DNPEP: variants seen among roughly 807,000 people sequenced by gnomAD.
DNPEP encodes the protein aspartyl aminopeptidase.
A neutral mutation model predicts 59.1 loss-of-function variants in DNPEP; 46 were observed. That is an observed-to-expected ratio of 0.78 (90% confidence interval 0.61 to 0.99). The LOEUF (loss-of-function observed/expected upper bound fraction) is 0.99, where lower values mean the gene tolerates loss of function less well. Ranked by LOEUF, DNPEP falls within the 50% of genes least tolerant of loss-of-function variation. The pLI is 0.00. For missense variants in DNPEP, 617 were observed against 649.9 expected, an observed-to-expected ratio of 0.95 and a Z score of 0.55; for synonymous variants, 229 against 242.2, an observed-to-expected ratio of 0.95 and a Z score of 0.50.
chr2:219,381,206 TTC>T (rs933927844), intron 13 of DNPEP, 127 bp downstream of exon 13: 2 of 792,210 alleles, frequency 2.5e-6, no homozygotes, highest in African/African-American at 3.4e-5. Context: ...ATCCCTGCTT[TTC>T]TCACTCTACT....
At chr2:219,387,216 C>A (rs1364196605) in intron 1 of DNPEP, 53 bp from the exon 2 acceptor site, 3 of 1,538,056 alleles carry the variant, frequency 2.0e-6, no homozygotes, top group African/African-American at 2.8e-5. Context: ...CCTGACCTTT[C>A]ACCCAGGTTC....
intron 1 of DNPEP, among the ~76,000 whole-genome samples, chr2:219,394,167 C>G (rs983754777): frequency 3.9e-5 from 6 of 152,308 alleles, no homozygotes; most frequent in Non-Finnish European, 7.3e-5. Context: ...CTCCCATTCT[C>G]TTGTAAATCC....
chr2:219,374,307 A>C lies in DNPEP; in HGVS notation c.1443T>G (p.Asn481Lys). ...FFELFPSLSH[N>K]LLVD ...CCAAGAGGGCTCAATCCACTAAGAG[A>C]TTATGGCTTAGAGAAGGGAACAGCT... Residue 481 changes from asparagine to lysine, a missense_variant, in exon 15 of 15, where the codon AAT (asparagine) becomes AAG (lysine). By Grantham distance (94) the Asn-to-Lys change is moderately conservative. Coordinates refer to ENST00000273075, the MANE Select transcript of DNPEP (RefSeq NM_012100.4). 6.2e-7 allele frequency: 1 copy of C among 1,614,108 alleles called. No individual in the cohort carries two copies. Among genetic ancestry groups the C allele is most frequent in the East Asian group, 2.2e-5 (1 of 44,874 alleles).
At chr2:219,394,842 C>A (rs568408214) in intron 1 of DNPEP, among the ~76,000 whole-genome samples, 1 of 152,158 alleles carries the variant, frequency 6.6e-6, no homozygotes, top group African/African-American at 2.4e-5. Flanking sequence ...TTCCCCAAAC[C>A]TATTCCATCC....
At chr2:219,376,076 C>A (rs890583320) in intron 13 of DNPEP, among the ~76,000 whole-genome samples, 5 of 152,090 alleles carry the variant, frequency 3.3e-5, no homozygotes, top group African/African-American at 1.2e-4. Context: ...AGTCAAAGGG[C>A]ACAGGAGTTA....
Position 219,386,420 on chromosome 2 carries a change from A to G in DNPEP, c.334-9T>C. On this transcript the variant is annotated splice_polypyrimidine_tract_variant and intron_variant, in intron 4 of 14. Transcript: ENST00000273075. ...CGAGACCGACGTTTCACCTGAGTGT[A>G]AAGATGGAGAAGTCAGAGAAGGCTT... 1 of 1,614,214 alleles carries G rather than the reference A, an allele frequency of 6.2e-7. No individual in the cohort carries two copies. Among genetic ancestry groups the G allele is most frequent in the Non-Finnish European group, 8.5e-7 (1 of 1,180,034 alleles).
rs201486555 is a variant in DNPEP, at chr2:219,381,369, C to T, written c.1205G>A (p.Arg402Gln). The T allele has an allele frequency of 1.1e-5, 18 of 1,614,168 alleles. No individual in the cohort carries two copies. The highest frequency in any genetic ancestry group is 6.7e-5 in the East Asian group (3 of 44,888). Residue 402 changes from arginine (R) to glutamine (Q), a missense_variant, in exon 13 of 15, where the codon CGA (arginine) becomes CAA (glutamine). Physicochemically the swap from Arg to Gln is conservative, Grantham distance 43. Transcript: ENST00000273075. ...ASNAVSEALI[R>Q]EVANKVKVPL... is the part of the protein sequence containing the mutation. ...GACCTTGACTTTGTTGGCCACCTCTCGGATCAGGGCCTCTGACACCGCGTT... is the reference window on the plus strand; with the variant it reads ...GACCTTGACTTTGTTGGCCACCTCTTGGATCAGGGCCTCTGACACCGCGTT...
At chr2:219,391,793 A>T (rs1954019664), upstream of DNPEP, among the ~76,000 whole-genome samples, 1 of 151,916 alleles carries the variant, frequency 6.6e-6, no homozygotes. Context: ...TTATAGAATC[A>T]GCATCTGCAT....
upstream of DNPEP, among the ~76,000 whole-genome samples, chr2:219,392,345 C>CT (rs1321818734): frequency 0.067 from 9,490 of 142,600 alleles, 840 homozygotes; most frequent in African/African-American, 0.2. Context: ...ATACATATGT[C>CT]TTTTTTTTTT....
At chr2:219,378,901 T>C (rs1257786479) in intron 13 of DNPEP, among the ~76,000 whole-genome samples, 1 of 152,218 alleles carries the variant, frequency 6.6e-6, no homozygotes, top group African/African-American at 2.4e-5. Context: ...ATGTGTTTAC[T>C]ATATTATGCT....
rs142675089 is a variant in DNPEP at position 219,381,612 on chromosome 2, T to C, written c.1098-28A>G. The C allele has an allele frequency of 8.6e-3, 13,802 of 1,613,236 alleles. 85 individuals are homozygous for C. Among genetic ancestry groups the C allele is most frequent in the South Asian group, 0.01 (935 of 91,060 alleles). On this transcript the variant is annotated intron_variant, in intron 11 of 14. Coordinates refer to ENST00000273075, the MANE Select transcript of DNPEP (RefSeq NM_012100.4). The stretch of plus-strand genomic sequence containing the variant: ...GTAAGAGACAGATAAGGGCCAGACA[T>C]AGCAAACAGGAGCAGGCCTGTCGAC...
chr2:219,387,023 G>A (rs1254866488), intron 2 of DNPEP, 43 bp from the exon 3 acceptor site: 2 of 1,613,138 alleles, frequency 1.2e-6, no homozygotes, highest in South Asian at 1.1e-5. Flanking sequence ...AGCTGGTGAA[G>A]GGCGCATCAG....
Position 219,383,167 on chromosome 2 carries a change from AG to A in DNPEP, c.899del (p.Pro300LeufsTer26), listed in dbSNP as rs1953670799. 2 of 1,614,184 alleles carry A rather than the reference AG, an allele frequency of 1.2e-6. No homozygotes were observed. Among genetic ancestry groups the A allele is most frequent in the Non-Finnish European group, 1.7e-6 (2 of 1,180,032 alleles). On this transcript the variant is annotated frameshift_variant, in exon 10 of 15. Coordinates refer to ENST00000273075, the MANE Select transcript of DNPEP (RefSeq NM_012100.4). LOFTEE classifies it high-confidence loss of function. The stretch of plus-strand genomic sequence containing the variant: ...CATAGAGTGTGACCATGCGCACGTG[AG>A]GCTCTGTGGCCAGGGAGCCAGGGCC... ...CAGPGSLATE[P>X]HVRMVTLYDN... is the part of the protein sequence containing the mutation.
At chr2:219,376,867 T>C (rs957827466) in intron 13 of DNPEP, among the ~76,000 whole-genome samples, 2 of 151,906 alleles carry the variant, frequency 1.3e-5, no homozygotes. Context: ...AATGAAAGGA[T>C]AAGAGGCCAT....
At position 219,386,899 on chromosome 2, in the gene DNPEP, T is replaced by G; in HGVS notation, c.212A>C (p.Glu71Ala). The G allele has an allele frequency of 1.3e-6, 2 of 1,557,894 alleles. No individual in the cohort carries two copies. Among genetic ancestry groups the G allele is most frequent in the Non-Finnish European group, 1.8e-6 (2 of 1,131,718 alleles). The stretch of plus-strand genomic sequence containing the variant: ...CCACCCCACCCCCAGTACCTTGCTC[T>G]CGGGCTTAATATTCCATTTCTCAGT... ...KETEKWNIKP[E>A]SKYFMTRNSS... The change falls in exon 3 of 15, where the codon GAG becomes GCG. Residue 71 changes from glutamate (E) to alanine (A), a missense_variant. By Grantham distance (107) the Glu-to-Ala change is moderately radical. Coordinates refer to ENST00000273075, the MANE Select transcript of DNPEP (RefSeq NM_012100.4).
At position 219,385,474 on chromosome 2, in the gene DNPEP, G is replaced by A; in HGVS notation, c.724C>T (p.Pro242Ser). 1 of 1,608,672 alleles carries A rather than the reference G, an allele frequency of 6.2e-7. No homozygotes were observed. The highest frequency in any genetic ancestry group is 8.5e-7 in the Non-Finnish European group (1 of 1,175,484). Residue 242 changes from proline to serine, a missense_variant, in exon 8 of 15, where the codon CCC becomes TCC. Coordinates refer to ENST00000273075, the MANE Select transcript of DNPEP (RefSeq NM_012100.4). ...AGCTCCATCTCCACTATGTCCTTGG[G>A]GCTCAGCCCCAGATGGGCACAGAGC... ...SLLCAHLGLS[P>S]KDIVEMELCL... is the part of the protein sequence containing the mutation.
chr2:219,384,346 G>A lies in DNPEP; in HGVS notation c.852+20C>T. ...CTCTGCTGGTGGTTATGTGCTGCCT[G>A]GGGCGCCCCGGCTCCTCACCTGCAG... On this transcript the variant is annotated intron_variant, in intron 9 of 14. Coordinates refer to ENST00000273075, the MANE Select transcript of DNPEP (RefSeq NM_012100.4). 2 of 1,598,794 alleles carry A rather than the reference G, an allele frequency of 1.3e-6. No homozygotes were observed. Among genetic ancestry groups the A allele is most frequent in the Non-Finnish European group, 1.7e-6 (2 of 1,172,966 alleles).
chr2:219,399,945 C>G (rs1954161044), exon 1 of DNPEP: 1 of 1,548,964 alleles, frequency 6.5e-7, no homozygotes, highest in Non-Finnish European at 8.7e-7. Context: ...CTCACCTCCT[C>G]CCAAGGCTGG....
intron 1 of DNPEP, 59 bp from the exon 2 acceptor site, chr2:219,387,222 G>A: frequency 6.5e-7 from 1 of 1,536,268 alleles, no homozygotes; most frequent in Non-Finnish European, 8.8e-7. Flanking sequence ...CTTTCACCCA[G>A]GTTCCGAGGA....
Sources: allele counts gnomAD v4.1 joint callset (sites outside exome capture counted in the v4.1 genomes callset), GRCh38; gene constraint gnomAD v4.1.1; transcripts MANE v1.5; gene names NCBI Gene and HGNC (gene_info 2026-07-23, HGNC 2026-07-21).